The following MTFR1 variants were observed in gnomAD, a reference collection of about 807,000 sequenced individuals.
MTFR1 encodes mitochondrial fission regulator 1, also known as chondrocyte protein with a poly-proline region.
A neutral mutation model predicts 38.8 loss-of-function variants in MTFR1; 28 were observed. That is an observed-to-expected ratio of 0.72 (90% CI 0.53 to 0.99). MTFR1 has a LOEUF of 0.99. Ranked by LOEUF, MTFR1 falls within the 50% of genes least tolerant of loss-of-function variation. The pLI, the probability that MTFR1 is intolerant of heterozygous loss-of-function variation, is 0.00. For missense variants in MTFR1, 358 were observed against 395.5 expected, an observed-to-expected ratio of 0.91 and a Z score of 0.81; for synonymous variants, 145 against 137.0, an observed-to-expected ratio of 1.06 and a Z score of -0.41.
At chr8:65,756,022 T>C (rs1808226081) in intron 3 of MTFR1, among the ~76,000 whole-genome samples, 1 of 152,266 alleles carries the variant, frequency 6.6e-6, no homozygotes, top group South Asian at 2.1e-4. Context: ...AGGATAGTTT[T>C]GCCAAATATG....
intron 3 of MTFR1, chr8:65,739,622 A>T: frequency 6.8e-7 from 1 of 1,481,034 alleles, no homozygotes. Context: ...GAGACATTAC[A>T]TTAGTAGGAA....
At chr8:65,735,033 A>C in intron 3 of MTFR1, 6 of 628,062 alleles carry the variant, frequency 9.6e-6, no homozygotes, top group Non-Finnish European at 1.7e-5. Context: ...GGCAGATGAT[A>C]ATCACCTCAC....
At chr8:65,767,614 G>T (rs1365614184) in intron 3 of MTFR1, among the ~76,000 whole-genome samples, 1 of 152,046 alleles carries the variant, frequency 6.6e-6, no homozygotes, top group African/African-American at 2.4e-5. Flanking sequence ...CCATACCCTG[G>T]GGGAATCTGG....
chr8:65,744,401 A>G (rs992719159), intron 3 of MTFR1, among the ~76,000 whole-genome samples: 1 of 152,228 alleles, frequency 6.6e-6, no homozygotes, highest in African/African-American at 2.4e-5. Flanking sequence ...ACCAATAATT[A>G]TGCCCACAAT....
At chr8:65,662,534 G>T (rs200443008) in intron 1 of MTFR1, among the ~76,000 whole-genome samples, 8,797 of 120,982 alleles carry the variant, frequency 0.073, 424 homozygotes, top group Middle Eastern at 0.12. Context: ...TCTGGGAAGT[G>T]AGGAGCGTCT....
intron 3 of MTFR1, among the ~76,000 whole-genome samples, chr8:65,731,409 A>G (rs775518476): frequency 6.6e-5 from 10 of 152,254 alleles, no homozygotes; most frequent in East Asian, 1.9e-4. Context: ...TCTCTGGGAC[A>G]TGTAAGCGTA....
chr8:65,773,268 T>G (rs1023661766), downstream of MTFR1, among the ~76,000 whole-genome samples: 2 of 152,200 alleles, frequency 1.3e-5, no homozygotes, highest in Non-Finnish European at 2.9e-5. Flanking sequence ...TAATGCATTT[T>G]TCTCTATTAA....
intron 3 of MTFR1, 37 bp from the exon 4 acceptor site, chr8:65,693,607 T>G (rs1585786292): frequency 1.3e-6 from 2 of 1,577,104 alleles, no homozygotes; most frequent in Non-Finnish European, 1.7e-6. Context: ...TTTGGTGCCA[T>G]CTTTGGTGAA....
At chr8:65,775,907 C>T (rs533695571), downstream of MTFR1, among the ~76,000 whole-genome samples, 12 of 152,182 alleles carry the variant, frequency 7.9e-5, no homozygotes, top group Non-Finnish European at 1.8e-4. Context: ...AGATTACGGG[C>T]GTGAGCCACC....
intron 4 of MTFR1, among the ~76,000 whole-genome samples, chr8:65,700,193 A>G (rs1292579716): frequency 6.6e-6 from 1 of 152,004 alleles, no homozygotes; most frequent in African/African-American, 2.4e-5. Context: ...TCTACAAAAA[A>G]TACCAAAATT....
At chr8:65,776,740 G>C in the MTFR1 span, among the ~76,000 whole-genome samples, 1 of 152,200 alleles carries the variant, frequency 6.6e-6, no homozygotes, top group South Asian at 2.1e-4. Flanking sequence ...TTTGTATCCA[G>C]GAAAACTGCT....
intron 4 of MTFR1, 131 bp downstream of exon 4, chr8:65,693,890 T>C (rs1805356141): frequency 1.5e-6 from 1 of 688,976 alleles, no homozygotes; most frequent in Admixed American, 2.8e-5. Flanking sequence ...TCTTGAACAG[T>C]CTTCTTTTCT....
chr8:65,776,045 T>A (rs952717749), downstream of MTFR1, among the ~76,000 whole-genome samples: 3 of 152,194 alleles, frequency 2.0e-5, no homozygotes, highest in African/African-American at 7.2e-5. Context: ...CCCTACACCA[T>A]ATCCACATTG....
intron 1 of MTFR1, among the ~76,000 whole-genome samples, chr8:65,654,710 T>C (rs1809209609): frequency 6.6e-6 from 1 of 152,156 alleles, no homozygotes; most frequent in Non-Finnish European, 1.5e-5. Context: ...CCTGAGTAGC[T>C]AGGACTACAG....
At chr8:65,662,309 G>C (rs943316559) in intron 1 of MTFR1, among the ~76,000 whole-genome samples, 1 of 152,076 alleles carries the variant, frequency 6.6e-6, no homozygotes, top group Middle Eastern at 3.4e-3. Context: ...TGTGTTGGCC[G>C]GGCTGGTCTC....
At chr8:65,767,602 C>T (rs1402921497) in intron 3 of MTFR1, among the ~76,000 whole-genome samples, 1 of 152,150 alleles carries the variant, frequency 6.6e-6, no homozygotes, top group Non-Finnish European at 1.5e-5. Context: ...GAGGGTCTTG[C>T]CCCATACCCT....
At chr8:65,671,688 G>C (rs1340956812) in intron 2 of MTFR1, among the ~76,000 whole-genome samples, 1 of 152,032 alleles carries the variant, frequency 6.6e-6, no homozygotes, top group East Asian at 1.9e-4. Context: ...AAAAACCAAA[G>C]CTTTATAATT....
At chr8:65,773,199 A>T (rs1809162152), downstream of MTFR1, among the ~76,000 whole-genome samples, 1 of 152,210 alleles carries the variant, frequency 6.6e-6, no homozygotes, top group Non-Finnish European at 1.5e-5. Context: ...ACTAGATTAC[A>T]ATTTCAAAAA....
intron 3 of MTFR1, chr8:65,724,663 TA>T (rs1806535261): frequency 1.1e-6 from 1 of 901,668 alleles, no homozygotes; most frequent in Non-Finnish European, 1.7e-6. Context: ...GGAAATTCTT[TA>T]GCTTGCCCTC....
Sources: gnomAD v4.1 joint callset for allele counts (sites outside exome capture counted in the v4.1 genomes callset) on GRCh38, gnomAD v4.1.1 for gene constraint, MANE v1.5 for transcripts, NCBI Gene and HGNC (gene_info 2026-07-23, HGNC 2026-07-21) for gene names.